Variants in MEF2C observed in about 807,000 individuals in gnomAD.
MEF2C encodes the protein myocyte enhancer factor 2C.
MEF2C carries 6 observed loss-of-function variants against 50.5 expected under a neutral mutation model. The ratio of observed to expected loss-of-function variants is 0.12; its 90% CI spans 0.07 to 0.23. The LOEUF is 0.23. MEF2C is among the 10% of genes least tolerant of loss of function. The pLI is 1.00. For missense variants in MEF2C, 276 were observed against 605.0 expected (o/e 0.46, Z 5.70); for synonymous variants, 183 against 228.0 (o/e 0.80, Z 1.78).
chr5:88,796,638 C>T (rs1381219748), intron 3 of MEF2C, among the ~76,000 whole-genome samples: 12 of 152,136 alleles, frequency 7.9e-5, no homozygotes, highest in East Asian at 1.9e-4. Context: ...TCCTTCAGTT[C>T]GGCTCTTAGT....
At chr5:88,772,756 G>A in intron 3 of MEF2C, 1 of 985,356 alleles carries the variant, frequency 1.0e-6, no homozygotes, top group Non-Finnish European at 1.2e-6. Context: ...TTCAAGGAGT[G>A]GCTATAAGTC....
chr5:88,743,085 A>G, intron 6 of MEF2C: 4 of 971,954 alleles, frequency 4.1e-6, no homozygotes, highest in Non-Finnish European at 4.9e-6. Context: ...AATACTTTCA[A>G]AACAGAACCC....
chr5:88,800,893 T>C (rs954907685), intron 3 of MEF2C, among the ~76,000 whole-genome samples: 4 of 152,184 alleles, frequency 2.6e-5, no homozygotes, highest in Non-Finnish European at 5.9e-5. Context: ...AAACAGATAT[T>C]CAAGCTGCAT....
chr5:88,809,258 G>A (rs923802244), intron 2 of MEF2C, among the ~76,000 whole-genome samples: 2 of 151,992 alleles, frequency 1.3e-5, no homozygotes, highest in African/African-American at 4.8e-5. Flanking sequence ...ATTAGAAGTT[G>A]AAATTGAGAA....
intron 1 of MEF2C, among the ~76,000 whole-genome samples, chr5:88,829,546 A>C (rs1366141387): frequency 6.6e-6 from 1 of 152,062 alleles, no homozygotes; most frequent in Non-Finnish European, 1.5e-5. Flanking sequence ...TAAGATGTGT[A>C]TCTCTCAACT....
chr5:88,827,853 C>A (rs560312446), intron 1 of MEF2C, among the ~76,000 whole-genome samples: 2 of 147,976 alleles, frequency 1.4e-5, no homozygotes, highest in Non-Finnish European at 3.0e-5. Flanking sequence ...TTATGAAAAC[C>A]GGCAAAAAAA....
intron 2 of MEF2C, chr5:88,819,391 A>G (rs1232978863): frequency 1.0e-6 from 1 of 985,126 alleles, no homozygotes; most frequent in Non-Finnish European, 1.2e-6. Flanking sequence ...GGACCTTCAA[A>G]GCTTTGCGAT....
rs563149132 is a variant in MEF2C at position 88,804,588 on chromosome 5, G to A, written c.258+10C>T. 109 of 1,613,128 alleles carry A rather than the reference G, an allele frequency of 6.8e-5. 1 individual carries two copies. The highest frequency in any genetic ancestry group is 3.5e-4 in the Middle Eastern group (2 of 5,712). On this transcript the variant is annotated intron_variant, in intron 3 of 10. Coordinates refer to ENST00000504921, the MANE Select transcript of MEF2C (RefSeq NM_002397.5). ...CGGAGGCTTGGGGCTCACCACGCAT[G>A]CTCTCTCACCTCCACGATGTCTGAG...
intron 1 of MEF2C, among the ~76,000 whole-genome samples, chr5:88,896,944 T>TAC (rs58754057): frequency 0.056 from 8,469 of 150,474 alleles, 290 homozygotes; most frequent in Non-Finnish European, 0.07. Flanking sequence ...TCAGTAAAGC[T>TAC]ACACACACAC....
At chr5:88,825,689 G>T (rs975742218) in intron 1 of MEF2C, 29 of 925,920 alleles carry the variant, frequency 3.1e-5, no homozygotes, top group Non-Finnish European at 3.7e-5. Flanking sequence ...ACTCAATGGG[G>T]CAACTTTCCT....
chr5:88,796,832 C>T (rs1796217769), intron 3 of MEF2C, among the ~76,000 whole-genome samples: 1 of 152,154 alleles, frequency 6.6e-6, no homozygotes, highest in Non-Finnish European at 1.5e-5. Context: ...TGTCTTTGTT[C>T]TCATTGGTTT....
chr5:88,775,362 C>T (rs1379892064), intron 3 of MEF2C, among the ~76,000 whole-genome samples: 3 of 151,976 alleles, frequency 2.0e-5, no homozygotes, highest in African/African-American at 2.4e-5. Flanking sequence ...TGTAATTGCT[C>T]GGAGAGGACA....
Position 88,751,068 on chromosome 5 carries a change from T to C in MEF2C, c.589+789A>G, listed in dbSNP as rs1440592591. The C allele has an allele frequency of 3.1e-6, 3 of 982,548 alleles. No individual in the cohort carries two copies. The East Asian group carries it at 3.4e-4, about 111-fold the overall frequency. 60.9% of individuals were successfully genotyped at this position (982,548 alleles called of 1,614,324 possible). Reference sequence around the variant, plus strand: ...ATTCAATACGCATTGACTTGGTTCCTACTGTTAGTTTAGCAAATCAAGAGA... The same window carrying C: ...ATTCAATACGCATTGACTTGGTTCCCACTGTTAGTTTAGCAAATCAAGAGA... On this transcript the variant is annotated intron_variant, in intron 5 of 10. Transcript: ENST00000504921.
At chr5:88,735,604 A>G in intron 6 of MEF2C, 11 of 977,970 alleles carry the variant, frequency 1.1e-5, no homozygotes, top group Non-Finnish European at 1.3e-5. Context: ...GTTAACTTAC[A>G]TAAAGGATTA....
chr5:88,894,885 C>T (rs1834957073), intron 1 of MEF2C, among the ~76,000 whole-genome samples: 1 of 152,020 alleles, frequency 6.6e-6, no homozygotes, highest in Non-Finnish European at 1.5e-5. Context: ...CGGAGGGTAA[C>T]TAGGAAACTC....
chr5:88,843,557 T>A (rs1334306746), intron 1 of MEF2C: 1 of 753,744 alleles, frequency 1.3e-6, no homozygotes, highest in Non-Finnish European at 1.6e-6. Flanking sequence ...TTTCTAAGAC[T>A]CAATTTCTCC....
intron 3 of MEF2C, chr5:88,782,231 G>A: frequency 3.5e-6 from 3 of 854,250 alleles, no homozygotes; most frequent in Non-Finnish European, 4.2e-6. Context: ...CACTTGAGAG[G>A]CTGAGGTGGG....
At chr5:88,774,336 C>CTTT (rs34650524) in intron 3 of MEF2C, among the ~76,000 whole-genome samples, 19 of 144,470 alleles carry the variant, frequency 1.3e-4, no homozygotes, top group Middle Eastern at 3.6e-3. Context: ...GTTTCTACCT[C>CTTT]TTTTTTTTTT....
At chr5:88,746,656 G>A in intron 6 of MEF2C, 2 of 985,364 alleles carry the variant, frequency 2.0e-6, no homozygotes, top group Non-Finnish European at 2.4e-6. Context: ...CATTCTGGCT[G>A]GCCTTGTTTT....
Sources: allele counts gnomAD v4.1 joint callset (sites outside exome capture counted in the v4.1 genomes callset), GRCh38; gene constraint gnomAD v4.1.1; transcripts MANE v1.5; gene names NCBI Gene and HGNC (gene_info 2026-07-23, HGNC 2026-07-21).